The following FHOD3 variants were observed in gnomAD, a reference collection of about 807,000 sequenced individuals.
FHOD3 encodes FH1/FH2 domain-containing protein 3.
In FHOD3, 90 loss-of-function variants were observed where a neutral mutation model predicts 173.0. That is an observed-to-expected ratio of 0.52 (90% confidence interval 0.44 to 0.62). The LOEUF is 0.62. FHOD3 is among the 20% of genes least tolerant of loss of function. FHOD3 has a pLI of 0.00. For synonymous variants in FHOD3, 828 were observed against 823.0 expected (o/e 1.01, Z -0.10); for missense variants, 1,945 against 2,034.7 (o/e 0.96, Z 0.85).
In FHOD3 at chr18:36,709,087, T is replaced by A; in HGVS notation, c.2237-8T>A. ...CGTCAATATAATCTCCATTGTTGTCTCCACCAGCAAGTGCCGGGGATCCTG... is the reference window on the plus strand; with the variant it reads ...CGTCAATATAATCTCCATTGTTGTCACCACCAGCAAGTGCCGGGGATCCTG... On this transcript the variant is annotated splice_region_variant and splice_polypyrimidine_tract_variant and intron_variant, in intron 17 of 28. Coordinates refer to ENST00000590592, the MANE Select transcript of FHOD3 (RefSeq NM_001281740.3). 1 of 1,610,982 alleles carries A rather than the reference T, an allele frequency of 6.2e-7. No individual in the cohort carries two copies. Among genetic ancestry groups the A allele is most frequent in the Non-Finnish European group, 8.5e-7 (1 of 1,177,550 alleles).
intron 3 of FHOD3, among the ~76,000 whole-genome samples, chr18:36,494,320 A>G (rs1188735160): frequency 1.3e-5 from 2 of 152,210 alleles, no homozygotes; most frequent in Admixed American, 6.5e-5. Context: ...AGCATAATAC[A>G]TGATTGCAAC....
At chr18:36,716,348 C>T (rs1411555240) in intron 18 of FHOD3, among the ~76,000 whole-genome samples, 1 of 152,166 alleles carries the variant, frequency 6.6e-6, no homozygotes, top group African/African-American at 2.4e-5. Context: ...TGCACAGCAA[C>T]ACTGGATGTG....
chr18:36,329,861 A>G (rs1421657367), intron 1 of FHOD3, among the ~76,000 whole-genome samples: 2 of 152,208 alleles, frequency 1.3e-5, no homozygotes, highest in Non-Finnish European at 2.9e-5. Flanking sequence ...GTTGCCATCA[A>G]CCTGAGACTT....
intron 10 of FHOD3, among the ~76,000 whole-genome samples, chr18:36,639,707 C>CT (rs2035165602): frequency 2.7e-5 from 4 of 150,782 alleles, no homozygotes; most frequent in Non-Finnish European, 5.9e-5. Context: ...CCTGTAGTCC[C>CT]AGCTACTCGG....
Position 36,611,994 on chromosome 18 carries a change from G to C in FHOD3, c.856G>C (p.Val286Leu), listed in dbSNP as rs751568896. The change falls in exon 9 of 29, where the codon GTG becomes CTG. Residue 286 changes from valine to leucine, a missense_variant. This residue lies in a region of FHOD3 where 1,099 missense variants were observed against 1,051.2 expected (regional missense o/e 1.05). Coordinates refer to ENST00000590592, the MANE Select transcript of FHOD3 (RefSeq NM_001281740.3). ...LPDQDTFYDV[V>L]DCLEELGIAA... ...AGACCAAGACACCTTCTACGACGTC[G>C]TGGACTGCCTGGAGGAGCTGGGCAT... 3 of 1,614,008 alleles carry C rather than the reference G, an allele frequency of 1.9e-6. No individual in the cohort carries two copies. Among genetic ancestry groups the C allele is most frequent in the South Asian group, 2.2e-5 (2 of 91,068 alleles).
chr18:36,312,420 G>C (rs1420372311), intron 1 of FHOD3, among the ~76,000 whole-genome samples: 1 of 152,102 alleles, frequency 6.6e-6, no homozygotes, highest in East Asian at 1.9e-4. Context: ...TGGGCTCTGA[G>C]GCCAAATACC....
chr18:36,649,518 A>G, intron 11 of FHOD3, 113 bp downstream of exon 11: 1 of 723,138 alleles, frequency 1.4e-6, no homozygotes. Context: ...CCCACTTGCA[A>G]ACTCTTACTT....
Position 36,681,196 on chromosome 18 carries a change from G to C in FHOD3, c.1836-240G>C, listed in dbSNP as rs1319057477. Among the ~76,000 whole-genome samples the C allele has an allele frequency of 2.0e-5, 3 of 152,098 alleles. No homozygotes were observed. In the East Asian group the frequency reaches 5.8e-4, roughly 29 times the overall value. Reference sequence around the variant, plus strand: ...GGGCTGCTTACATGTCAAGCATGTTGCTTGCTATTTTCTGTCTGTTACCAC... The same window carrying C: ...GGGCTGCTTACATGTCAAGCATGTTCCTTGCTATTTTCTGTCTGTTACCAC... On this transcript the variant is annotated intron_variant, in intron 14 of 28. Coordinates refer to ENST00000590592, the MANE Select transcript of FHOD3 (RefSeq NM_001281740.3).
intron 3 of FHOD3, among the ~76,000 whole-genome samples, chr18:36,483,658 A>G (rs535186286): frequency 7.9e-4 from 120 of 152,332 alleles, no homozygotes; most frequent in African/African-American, 2.6e-3. Context: ...CATTTTTCAT[A>G]TGAAGAACTG....
At chr18:36,767,179 A>C (rs1237189420) in intron 27 of FHOD3, among the ~76,000 whole-genome samples, 1 of 152,226 alleles carries the variant, frequency 6.6e-6, no homozygotes, top group Non-Finnish European at 1.5e-5. Context: ...ATAATGCTGA[A>C]AAAAACTGGC....
intron 3 of FHOD3, among the ~76,000 whole-genome samples, chr18:36,453,585 G>A (rs893462578): frequency 1.3e-5 from 2 of 152,264 alleles, no homozygotes; most frequent in Non-Finnish European, 2.9e-5. Flanking sequence ...GTGGGGACAT[G>A]AATGTCACAC....
rs1007491975 is a variant in FHOD3 at position 36,359,852 on chromosome 18, G to A, written c.272+4207G>A. On this transcript the variant is annotated intron_variant, in intron 2 of 28. Coordinates refer to ENST00000590592, the MANE Select transcript of FHOD3 (RefSeq NM_001281740.3). ...TAAAATATGATAATGTATCTAAAACGTTAACTAGTTCCTGATACATAATAC... is the reference window on the plus strand; with the variant it reads ...TAAAATATGATAATGTATCTAAAACATTAACTAGTTCCTGATACATAATAC... Among the ~76,000 whole-genome samples the A allele has an allele frequency of 2.6e-5, 4 of 152,228 alleles. No individual in the cohort carries two copies. In the South Asian group the frequency reaches 6.2e-4, roughly 24 times the overall value.
intron 2 of FHOD3, among the ~76,000 whole-genome samples, chr18:36,361,511 G>A (rs899499434): frequency 3.1e-4 from 47 of 151,746 alleles, no homozygotes; most frequent in Non-Finnish European, 2.1e-4. Flanking sequence ...CATGGGAAAC[G>A]CTGTCTCTAC....
At position 36,509,163 on chromosome 18, in the gene FHOD3, GAAA is replaced by G. The variant is rs142307152; in HGVS notation, c.406-3270_406-3268del. Among the ~76,000 whole-genome samples, 1,148 of 151,962 alleles carry G rather than the reference GAAA, an allele frequency of 7.6e-3. 15 individuals are homozygous for G. Among genetic ancestry groups the G allele is most frequent in the African/African-American group, 0.026 (1,097 of 41,492 alleles). On this transcript the variant is annotated intron_variant, in intron 4 of 28. Transcript: ENST00000590592. Reference sequence around the variant, plus strand: ...TCAACACACAAATTCCAACAGAAAAGAAAAAAACTCTTTGAATTAAAAGATGTT... The same window carrying G: ...TCAACACACAAATTCCAACAGAAAAGAAAACTCTTTGAATTAAAAGATGTT...
At chr18:36,489,239 GGTTT>G (rs34895964) in intron 3 of FHOD3, among the ~76,000 whole-genome samples, 83,323 of 151,218 alleles carry the variant, frequency 0.55, 23,213 homozygotes, top group East Asian at 0.72. Context: ...AGAGAGAATG[GGTTT>G]GTTTGTTTGT....
chr18:36,573,062 G>A (rs1165595589), intron 5 of FHOD3, among the ~76,000 whole-genome samples: 1 of 151,528 alleles, frequency 6.6e-6, no homozygotes, highest in East Asian at 1.9e-4. Context: ...GAGGGTGGGG[G>A]TGGTGGTGGT....
chr18:36,429,205 TGTGAGA>T (rs2050404418), intron 3 of FHOD3, among the ~76,000 whole-genome samples: 1 of 152,196 alleles, frequency 6.6e-6, no homozygotes, highest in Non-Finnish European at 1.5e-5. Context: ...ATTACTGTGC[TGTGAGA>T]GTGAGACACT....
intron 6 of FHOD3, among the ~76,000 whole-genome samples, chr18:36,583,693 G>C (rs574602856): frequency 6.6e-6 from 1 of 152,308 alleles, no homozygotes; most frequent in East Asian, 1.9e-4. Context: ...CAGCCTACTG[G>C]TGGCTGCCAA....
At chr18:36,482,825 A>G (rs2053977289) in intron 3 of FHOD3, among the ~76,000 whole-genome samples, 1 of 70,562 alleles carries the variant, frequency 1.4e-5, no homozygotes, top group South Asian at 4.8e-4. Context: ...GTGAACAAAC[A>G]CACACACACA....
Sources: gnomAD v4.1 joint callset for allele counts (sites outside exome capture counted in the v4.1 genomes callset) on GRCh38, gnomAD v4.1.1 for gene constraint, gnomAD v4.1.1 regional missense constraint, MANE v1.5 for transcripts, NCBI Gene and HGNC (gene_info 2026-07-23, HGNC 2026-07-21) for gene names.